Variants in D2HGDH observed in about 807,000 individuals in gnomAD.
D2HGDH encodes the protein D-2-hydroxyglutarate dehydrogenase.
Under a neutral mutation model 46.9 loss-of-function variants are expected in D2HGDH, and 31 were observed. The ratio of observed to expected loss-of-function variants is 0.66; its 90% CI spans 0.50 to 0.89. The LOEUF (loss-of-function observed/expected upper bound fraction) is 0.89. Ranked by LOEUF, D2HGDH falls within the 40% of genes least tolerant of loss-of-function variation. D2HGDH has a pLI of 0.00. For synonymous variants in D2HGDH, 364 were observed against 332.6 expected (o/e 1.09, Z -1.03); for missense variants, 698 against 720.8 (o/e 0.97, Z 0.36).
intron 3 of D2HGDH, among the ~76,000 whole-genome samples, chr2:241,741,643 C>T (rs1291914922): frequency 9.0e-6 from 1 of 111,336 alleles, no homozygotes; most frequent in Non-Finnish European, 1.7e-5. Context: ...GGCTTGCTGT[C>T]TCCAGGGTTT....
In D2HGDH at chr2:241,743,930, T is replaced by G; in HGVS notation, c.684+115T>G. On this transcript the variant is annotated intron_variant, in intron 5 of 9. Transcript: ENST00000321264. This position sits in a 1 kb window ranked among gnomAD's most constrained non-coding sequence, Gnocchi z 4.8. ...GGCCCCTCGGGGTGGGAGGTCTTGG[T>G]TCCTGGCCCTGGGCCCCTCAAGGAT... 8.3e-7 allele frequency: 1 copy of G among 1,202,874 alleles called. No individual in the cohort carries two copies. 74.5% of individuals were successfully genotyped at this position (1,202,874 alleles called of 1,614,324 possible). A position where few individuals can be genotyped will look rare whatever the true frequency, so the allele number is the denominator to read the frequency against.
intron 9 of D2HGDH, among the ~76,000 whole-genome samples, chr2:241,762,781 G>C (rs913189835): frequency 6.6e-6 from 1 of 152,142 alleles, no homozygotes; most frequent in Non-Finnish European, 1.5e-5. Context: ...CGGAAGATTG[G>C]CGTGGATATT....
Position 241,742,890 on chromosome 2 carries a change from T to A in D2HGDH, c.490+316T>A, listed in dbSNP as rs552785877. Among the ~76,000 whole-genome samples the A allele has an allele frequency of 2.0e-5, 3 of 149,970 alleles. No individual in the cohort carries two copies. The highest frequency in any genetic ancestry group is 2.0e-4 in the Admixed American group (3 of 15,150). On this transcript the variant is annotated intron_variant, in intron 4 of 9. Transcript: ENST00000321264. This position sits in a 1 kb window ranked among gnomAD's most constrained non-coding sequence, Gnocchi z 4.8. ...GGGCGTGGCAGGCATGAGGGGATCC[T>A]GACCCAGGGCGCCAGGGCGTGGCAG...
chr2:241,756,111 C>T (rs1272660833), intron 9 of D2HGDH, 97 bp downstream of exon 9: 1 of 1,461,568 alleles, frequency 6.8e-7, no homozygotes. Flanking sequence ...GCAGTTTGAC[C>T]ATGGTCTCTG....
At position 241,768,409 on chromosome 2, in the gene D2HGDH, G is replaced by C. The variant is rs1436605560; in HGVS notation, c.*440G>C. 5.2e-6 allele frequency: 1 copy of C among 191,014 alleles called. No individual in the cohort carries two copies. Among genetic ancestry groups the C allele is most frequent in the Non-Finnish European group, 1.1e-5 (1 of 91,978 alleles). 11.8% of individuals were successfully genotyped at this position (191,014 alleles called of 1,614,324 possible). A position where few individuals can be genotyped will look rare whatever the true frequency, so the allele number is the denominator to read the frequency against. Reference sequence around the variant, plus strand: ...GCGTGGGCAGCAGGGGGCGTGGGCAGCGGGGGCACGGGCAGGACCACGTGG... The same window carrying C: ...GCGTGGGCAGCAGGGGGCGTGGGCACCGGGGGCACGGGCAGGACCACGTGG... On this transcript the variant is annotated 3_prime_UTR_variant, in exon 10 of 10. Coordinates refer to ENST00000321264, the MANE Select transcript of D2HGDH (RefSeq NM_152783.5).
intron 6 of D2HGDH, among the ~76,000 whole-genome samples, chr2:241,745,470 C>T (rs1301594150): frequency 6.6e-6 from 1 of 152,234 alleles, no homozygotes; most frequent in African/African-American, 2.4e-5. Flanking sequence ...GCCCGGCAGT[C>T]TTCGCGCGGG....
chr2:241,744,819 C>T lies in D2HGDH; in HGVS notation c.795C>T (p.Ile265=). ...GGTCGGAGGGCACTTTGGGGATCAT[C>T]ACCACGGTGTCCATCTTGTGTCCAC... ...FIGSEGTLGI[I]TTVSILCPPK... The change falls in exon 6 of 10, where the codon ATC becomes ATT. Residue 265 remains isoleucine (I), a synonymous_variant. Coordinates refer to ENST00000321264, the MANE Select transcript of D2HGDH (RefSeq NM_152783.5). 6.2e-7 allele frequency: 1 copy of T among 1,614,162 alleles called. No homozygotes were observed. Among genetic ancestry groups the T allele is most frequent in the Non-Finnish European group, 8.5e-7 (1 of 1,180,026 alleles).
rs771150863 is a variant in D2HGDH at position 241,755,960 on chromosome 2, C to T, written c.1252C>T (p.Leu418=). The T allele has an allele frequency of 2.5e-6, 4 of 1,607,960 alleles. No individual in the cohort carries two copies. Among genetic ancestry groups the T allele is most frequent in the Non-Finnish European group, 3.4e-6 (4 of 1,175,772 alleles). ...VERLYDIVTD[L]RARLGPHAKH... ...GCGGCTCTACGACATCGTGACTGAC[C>T]TGCGCGCCCGCCTCGGCCCGCACGC... is the stretch of plus-strand genomic sequence containing the variant. The change falls in exon 9 of 10, where the codon CTG becomes TTG. Residue 418 remains leucine, a synonymous_variant. Coordinates refer to ENST00000321264, the MANE Select transcript of D2HGDH (RefSeq NM_152783.5).
chr2:241,750,977 C>T (rs758625547), intron 7 of D2HGDH, among the ~76,000 whole-genome samples: 8 of 152,128 alleles, frequency 5.3e-5, no homozygotes, highest in Non-Finnish European at 1.2e-4. Context: ...AGGCTGGTCT[C>T]GAACTCGTGA....
At chr2:241,738,404 A>T (rs1415898291) in intron 2 of D2HGDH, among the ~76,000 whole-genome samples, 1 of 152,256 alleles carries the variant, frequency 6.6e-6, no homozygotes, top group Non-Finnish European at 1.5e-5. Flanking sequence ...CTGCCTCAGG[A>T]ACACCGTGCG....
chr2:241,759,150 T>C lies in D2HGDH; in HGVS notation c.1306+3136T>C, dbSNP rs1301972681. ...ATGATCAGCCTTCGTAACTGTGGAG[T>C]GCTTGAAAAGAATGTGCTCTCTGCA... On this transcript the variant is annotated intron_variant, in intron 9 of 9. Transcript: ENST00000321264. Among the ~76,000 whole-genome samples, 3 of 152,104 alleles carry C rather than the reference T, an allele frequency of 2.0e-5. No homozygotes were observed. In the East Asian group the frequency reaches 5.8e-4, roughly 29 times the overall value.
intron 3 of D2HGDH, among the ~76,000 whole-genome samples, chr2:241,741,864 T>C (rs1038432557): frequency 6.6e-6 from 1 of 152,038 alleles, no homozygotes; most frequent in Non-Finnish European, 1.5e-5. Context: ...GTTTATTTCA[T>C]GTGTGGGGCT....
At position 241,768,401 on chromosome 2, in the gene D2HGDH, C is replaced by A; in HGVS notation, c.*432C>A. 2 of 183,242 alleles carry A rather than the reference C, an allele frequency of 1.1e-5. No homozygotes were observed. Among genetic ancestry groups the A allele is most frequent in the Non-Finnish European group, 2.3e-5 (2 of 87,494 alleles). 11.4% of individuals were successfully genotyped at this position (183,242 alleles called of 1,614,324 possible). A position where few individuals can be genotyped will look rare whatever the true frequency, so the allele number is the denominator to read the frequency against. ...GGGGGCATGCGTGGGCAGCAGGGGG[C>A]GTGGGCAGCGGGGGCACGGGCAGGA... is the stretch of plus-strand genomic sequence containing the variant. On this transcript the variant is annotated 3_prime_UTR_variant, in exon 10 of 10. Transcript: ENST00000321264.
In D2HGDH at chr2:241,735,174, G is replaced by T; in HGVS notation, c.-51G>T. 1 of 1,459,984 alleles carries T rather than the reference G, an allele frequency of 6.8e-7. No homozygotes were observed. Among genetic ancestry groups the T allele is most frequent in the Non-Finnish European group, 9.0e-7 (1 of 1,117,046 alleles). The allele number at this position is 1,459,984 out of a possible 1,614,324, so 90.4% of individuals were successfully genotyped here. A position where few individuals can be genotyped will look rare whatever the true frequency, so the allele number is the denominator to read the frequency against. ...TCCCTGCCCTTCCCCTCCGGGCCCT[G>T]AGTACCGGCCCCCCACCAAGGAGGA... On this transcript the variant is annotated 5_prime_UTR_variant, in exon 2 of 10. Coordinates refer to ENST00000321264, the MANE Select transcript of D2HGDH (RefSeq NM_152783.5).
intron 9 of D2HGDH, among the ~76,000 whole-genome samples, chr2:241,762,940 T>C (rs1454872305): frequency 6.6e-6 from 1 of 152,198 alleles, no homozygotes; most frequent in South Asian, 2.1e-4. Flanking sequence ...TTTGTCTTCT[T>C]GTGTGTGTGA....
chr2:241,748,267 C>T (rs1696395550), intron 6 of D2HGDH, among the ~76,000 whole-genome samples: 1 of 152,084 alleles, frequency 6.6e-6, no homozygotes, highest in South Asian at 2.1e-4. Context: ...ATTACAGGCG[C>T]CCACCATCAC....
At chr2:241,752,096 G>A (rs554985864) in intron 8 of D2HGDH, among the ~76,000 whole-genome samples, 1 of 131,808 alleles carries the variant, frequency 7.6e-6, no homozygotes, top group Non-Finnish European at 1.7e-5. Context: ...CTTGGTCACC[G>A]TCACCAGGGC....
intron 9 of D2HGDH, among the ~76,000 whole-genome samples, chr2:241,758,767 A>ATGTGTGTGTGTGTGTGTGTGTGTG (rs768590214): frequency 6.6e-5 from 7 of 106,226 alleles, no homozygotes; most frequent in African/African-American, 1.8e-4. Context: ...GCCCCACAAT[A>ATGTGTGTGTGTGTGTGTGTGTGTG]TATGTGTGTG....
At chr2:241,749,283 G>A in intron 6 of D2HGDH, 1 of 1,285,808 alleles carries the variant, frequency 7.8e-7, no homozygotes, top group African/African-American at 1.5e-5. Flanking sequence ...AGGTGCTCCT[G>A]TGTCACCCAG....
Sources: gnomAD v4.1 joint callset for allele counts (sites outside exome capture counted in the v4.1 genomes callset) on GRCh38, gnomAD v4.1.1 for gene constraint, Gnocchi (gnomAD v3.1) non-coding constraint, MANE v1.5 for transcripts, NCBI Gene and HGNC (gene_info 2026-07-23, HGNC 2026-07-21) for gene names.